GCLC: variants seen among roughly 807,000 people sequenced by gnomAD.
GCLC encodes the protein glutamate-cysteine ligase catalytic subunit.
Under a neutral mutation model 81.5 loss-of-function variants are expected in GCLC, and 30 were observed. That is an observed-to-expected ratio of 0.37 (90% confidence interval 0.28 to 0.50). GCLC has a LOEUF of 0.50. Among genes scored for constraint, GCLC ranks in the 20% least tolerant of loss-of-function variants. The probability of loss-of-function intolerance (pLI) is 0.96; values close to 1 mark genes in which losing one functional copy is unlikely to be tolerated. For synonymous variants in GCLC, 262 were observed against 273.3 expected, an observed-to-expected ratio of 0.96 and a Z score of 0.41; for missense variants, 556 against 777.4, an observed-to-expected ratio of 0.72 and a Z score of 3.39.
intron 2 of GCLC, among the ~76,000 whole-genome samples, chr6:53,521,348 T>C (rs1359579732): frequency 6.6e-6 from 1 of 151,848 alleles, no homozygotes; most frequent in Non-Finnish European, 1.5e-5. Context: ...AGAGATGGGG[T>C]TTCACCGTGT....
At chr6:53,532,259 C>T (rs1055460766) in intron 1 of GCLC, among the ~76,000 whole-genome samples, 1 of 152,258 alleles carries the variant, frequency 6.6e-6, no homozygotes, top group African/African-American at 2.4e-5. Flanking sequence ...AAGGCCACAT[C>T]TGGACCTGCT....
chr6:53,500,668 T>A, intron 12 of GCLC, 155 bp from the exon 13 acceptor site: 2 of 679,748 alleles, frequency 2.9e-6, no homozygotes, highest in Non-Finnish European at 5.3e-6. Context: ...GCTTTTTATT[T>A]ATGTGAGGAC....
chr6:53,518,452 T>C (rs17884073), intron 3 of GCLC, among the ~76,000 whole-genome samples: 1,687 of 152,284 alleles, frequency 0.011, 14 homozygotes, highest in Non-Finnish European at 0.017. Flanking sequence ...GGTTTCACCA[T>C]GTTGGCCAGG....
chr6:53,517,987 C>T (rs1490283612), intron 3 of GCLC, among the ~76,000 whole-genome samples: 5 of 152,184 alleles, frequency 3.3e-5, no homozygotes, highest in African/African-American at 1.2e-4. Flanking sequence ...ACCCTGTTTA[C>T]ACTTAAGAAC....
At position 53,517,079 on chromosome 6, in the gene GCLC, A is replaced by ATTTTTT. The variant is rs71546114; in HGVS notation, c.447-863_447-858dup. Among the ~76,000 whole-genome samples the ATTTTTT allele has an allele frequency of 7.7e-5, 8 of 104,412 alleles. No individual in the cohort carries two copies. In the East Asian group the frequency reaches 9.4e-4, roughly 12 times the overall value. 68.5% of individuals were successfully genotyped at this position (104,412 alleles called of 152,430 possible). ...ACTAGCTCATATCTTTTAAAAAAAA[A>ATTTTTT]TTTTTTTTTTTTTTTTTTTTTTTCT... On this transcript the variant is annotated intron_variant, in intron 3 of 15. Coordinates refer to ENST00000650454, the MANE Select transcript of GCLC (RefSeq NM_001498.4).
At chr6:53,533,664 T>C (rs923189218) in intron 1 of GCLC, among the ~76,000 whole-genome samples, 1 of 152,162 alleles carries the variant, frequency 6.6e-6, no homozygotes, top group African/African-American at 2.4e-5. Context: ...AATTAAAAAT[T>C]GTTAAAAAAT....
intron 1 of GCLC, among the ~76,000 whole-genome samples, chr6:53,534,107 T>C (rs1184187951): frequency 6.6e-6 from 1 of 152,246 alleles, no homozygotes; most frequent in African/African-American, 2.4e-5. Context: ...TAGTTCTGTT[T>C]TCTAAGCTCA....
chr6:53,520,521 A>G (rs1762973387), intron 3 of GCLC, among the ~76,000 whole-genome samples: 1 of 152,222 alleles, frequency 6.6e-6, no homozygotes, highest in Non-Finnish European at 1.5e-5. Flanking sequence ...CTGGTCTGTC[A>G]TCACAGTATC....
rs1764694774 is a variant in GCLC at position 53,509,608 on chromosome 6, G to C, written c.754-358C>G. ...CCTATCCCTTCAGTCAGTGAGGGAT[G>C]CAAAAGGGATTTGGACATGTTAACT... On this transcript the variant is annotated intron_variant, in intron 6 of 15. Transcript: ENST00000650454. 4 of 347,188 alleles carry C rather than the reference G, an allele frequency of 1.2e-5. No individual in the cohort carries two copies. The South Asian group carries it at 1.2e-4, about 11-fold the overall frequency. 21.5% of individuals were successfully genotyped at this position (347,188 alleles called of 1,614,324 possible).
rs1363865753 is a variant in GCLC, at chr6:53,498,962, G to C, written c.1708C>G (p.Leu570Val). The C allele has an allele frequency of 6.2e-7, 1 of 1,609,076 alleles. No individual in the cohort carries two copies. Among genetic ancestry groups the C allele is most frequent in the Admixed American group, 1.7e-5 (1 of 59,926 alleles). The change falls in exon 16 of 16, where the codon CTA (leucine) becomes GTA (valine). Residue 570 changes from leucine (L) to valine (V), a missense_variant. By Grantham distance (32) the Leu-to-Val change is conservative. Coordinates refer to ENST00000650454, the MANE Select transcript of GCLC (RefSeq NM_001498.4). ...CTCATCCATCTGGCAACTGTCATTAGTTCTCCTGTGGGCGAGGGGGGAGCG... is the reference window on the plus strand; with the variant it reads ...CTCATCCATCTGGCAACTGTCATTACTTCTCCTGTGGGCGAGGGGGGAGCG... Reference protein sequence around the residue: ...KLIKKRASGELMTVARWMREF... With the variant: ...KLIKKRASGEVMTVARWMREF...
At chr6:53,533,402 G>A (rs1763204660) in intron 1 of GCLC, among the ~76,000 whole-genome samples, 1 of 152,162 alleles carries the variant, frequency 6.6e-6, no homozygotes, top group African/African-American at 2.4e-5. Context: ...GGCAAATCCA[G>A]AGGCTTCTTG....
chr6:53,530,650 C>T (rs975495793), intron 1 of GCLC, among the ~76,000 whole-genome samples: 1 of 152,170 alleles, frequency 6.6e-6, no homozygotes, highest in Non-Finnish European at 1.5e-5. Flanking sequence ...CATTACTAAA[C>T]TTGTTAGCAT....
intron 1 of GCLC, among the ~76,000 whole-genome samples, chr6:53,536,777 T>C (rs141943597): frequency 6.6e-6 from 1 of 152,188 alleles, no homozygotes; most frequent in African/African-American, 2.4e-5. Flanking sequence ...AATCAATGAG[T>C]ACATCTGCTA....
chr6:53,499,851 G>A (rs1362227119), intron 15 of GCLC, among the ~76,000 whole-genome samples, 194 bp downstream of exon 15: 4 of 151,874 alleles, frequency 2.6e-5, no homozygotes, highest in East Asian at 1.9e-4. Flanking sequence ...TTTATGAACT[G>A]ATAAGAAAAA....
At chr6:53,540,249 G>C (rs1763329160) in intron 1 of GCLC, among the ~76,000 whole-genome samples, 1 of 145,848 alleles carries the variant, frequency 6.9e-6, no homozygotes, top group Non-Finnish European at 1.5e-5. Context: ...AAGATGTAGA[G>C]ACAACTAAAC....
intron 1 of GCLC, among the ~76,000 whole-genome samples, chr6:53,525,912 C>G (rs1174569259): frequency 6.6e-6 from 1 of 152,148 alleles, no homozygotes; most frequent in African/African-American, 2.4e-5. Flanking sequence ...TAAAAAAATG[C>G]CTGACCACTC....
In GCLC at chr6:53,544,636, G is replaced by A; in HGVS notation, c.10C>T (p.Leu4=). The change falls in exon 1 of 16, where the codon CTG becomes TTG. Residue 4 remains leucine, a synonymous_variant. Transcript: ENST00000650454. ...CAGCTCAGCGGCGAGCCCTGGGACA[G>A]CAGCCCCATGGCCGCCCCCTCCTCC... MGL[L]SQGSPLSWEE... 6.3e-7 allele frequency: 1 copy of A among 1,595,532 alleles called. No homozygotes were observed. The highest frequency in any genetic ancestry group is 8.5e-7 in the Non-Finnish European group (1 of 1,178,250).
intron 1 of GCLC, among the ~76,000 whole-genome samples, chr6:53,533,982 G>A (rs1581747978): frequency 6.7e-6 from 1 of 149,424 alleles, no homozygotes; most frequent in African/African-American, 2.6e-5. Flanking sequence ...TTAGTAGAGA[G>A]GGGGTTTTCA....
rs1409005882 is a variant in GCLC, at chr6:53,498,840, A to G, written c.1830T>C (p.Asn610=). ...SLILKCNQIA[N]ELCECPELLG... ...GTAACTCTGGGCATTCACATAATTC[A>G]TTTGCAATTTGGTTACACTTCAAAA... The change falls in exon 16 of 16, where the codon AAT becomes AAC. Residue 610 remains asparagine (N), a synonymous_variant. Transcript: ENST00000650454. 6.2e-7 allele frequency: 1 copy of G among 1,613,222 alleles called. No homozygotes were observed. Among genetic ancestry groups the G allele is most frequent in the African/African-American group, 1.3e-5 (1 of 74,986 alleles).
Sources: allele counts gnomAD v4.1 joint callset (sites outside exome capture counted in the v4.1 genomes callset), GRCh38; gene constraint gnomAD v4.1.1; transcripts MANE v1.5; gene names NCBI Gene and HGNC (gene_info 2026-07-23, HGNC 2026-07-21).